The following GLIS3 variants were observed in gnomAD, a reference collection of about 807,000 sequenced individuals.
GLIS3 encodes the protein zinc finger protein GLIS3.
In GLIS3, 53 loss-of-function variants were observed where a neutral mutation model predicts 78.6. The ratio of observed to expected loss-of-function variants is 0.67; its 90% CI spans 0.54 to 0.85. The LOEUF is 0.85. Ranked by LOEUF, GLIS3 falls within the 40% of genes least tolerant of loss-of-function variation. GLIS3 has a pLI of 0.00. For missense variants in GLIS3, 1,703 were observed against 1,231.1 expected (o/e 1.38, Z -5.74); for synonymous variants, 684 against 509.9 (o/e 1.34, Z -4.60).
intron 4 of GLIS3, among the ~76,000 whole-genome samples, chr9:4,068,842 G>C (rs900015966): frequency 2.8e-5 from 4 of 143,206 alleles, no homozygotes; most frequent in Non-Finnish European, 2.9e-5. Flanking sequence ...GCATGTGTGT[G>C]TGTGTGTGTG....
At chr9:4,359,179 T>C in the GLIS3 span, among the ~76,000 whole-genome samples, 4 of 152,170 alleles carry the variant, frequency 2.6e-5, no homozygotes, top group Admixed American at 1.3e-4. Flanking sequence ...TCCCACACCC[T>C]AAACGTTCAG....
intron 2 of GLIS3, among the ~76,000 whole-genome samples, chr9:4,312,503 A>T (rs1269239652): frequency 6.6e-6 from 1 of 152,246 alleles, no homozygotes; most frequent in South Asian, 2.1e-4. Context: ...ACACATAAAC[A>T]GGCACCCATA....
chr9:4,038,486 G>C (rs1438626533), intron 4 of GLIS3, among the ~76,000 whole-genome samples: 4 of 152,190 alleles, frequency 2.6e-5, no homozygotes, highest in Non-Finnish European at 5.9e-5. Context: ...CACTTGTAAA[G>C]AGACTGACGT....
rs145496080 is a variant in GLIS3, at chr9:4,053,806, C to T, written c.1710+63962G>A. Among the ~76,000 whole-genome samples, 14 of 151,504 alleles carry T rather than the reference C, an allele frequency of 9.2e-5. No individual in the cohort carries two copies. In the East Asian group the frequency reaches 2.5e-3, roughly 27 times the overall value. ...GCCACCCAATTAGTGACACCATTGG[C>T]GAACTGTAGACTGCTGAGATTTCCA... On this transcript the variant is annotated intron_variant, in intron 4 of 10. Coordinates refer to ENST00000381971, the MANE Select transcript of GLIS3 (RefSeq NM_001042413.2).
At chr9:4,148,234 G>C (rs1834377484) in intron 2 of GLIS3, among the ~76,000 whole-genome samples, 1 of 152,016 alleles carries the variant, frequency 6.6e-6, no homozygotes. Flanking sequence ...GCTGATTCTA[G>C]ATGAGATCTG....
chr9:3,835,681 G>A (rs910472001), intron 9 of GLIS3, among the ~76,000 whole-genome samples: 15 of 152,362 alleles, frequency 9.8e-5, no homozygotes, highest in African/African-American at 3.6e-4. Context: ...AAAGACTAAA[G>A]AGGATTAACA....
chr9:4,014,279 G>C (rs1822265373), intron 4 of GLIS3, among the ~76,000 whole-genome samples: 1 of 152,146 alleles, frequency 6.6e-6, no homozygotes. Flanking sequence ...AAACTGAGAA[G>C]TGGCCTTAGA....
the GLIS3 span, among the ~76,000 whole-genome samples, chr9:4,400,597 T>G: frequency 6.6e-6 from 1 of 152,264 alleles, no homozygotes; most frequent in Non-Finnish European, 1.5e-5. Context: ...TCTTCGGTCT[T>G]GATCTTCATT....
chr9:3,984,848 G>T (rs566076717), intron 4 of GLIS3, among the ~76,000 whole-genome samples: 1 of 152,102 alleles, frequency 6.6e-6, no homozygotes, highest in South Asian at 2.1e-4. Flanking sequence ...CACTGTTCTC[G>T]TAATAGTGAA....
At chr9:4,429,509 C>T in the GLIS3 span, among the ~76,000 whole-genome samples, 2 of 152,206 alleles carry the variant, frequency 1.3e-5, no homozygotes, top group African/African-American at 2.4e-5. Flanking sequence ...ATGCTCTCCA[C>T]AAGAGCCTTG....
chr9:3,856,682 T>G (rs1210801529), intron 8 of GLIS3, among the ~76,000 whole-genome samples: 1 of 152,224 alleles, frequency 6.6e-6, no homozygotes, highest in Non-Finnish European at 1.5e-5. Flanking sequence ...AATCCTATTC[T>G]CTTTGAACAA....
the GLIS3 span, among the ~76,000 whole-genome samples, chr9:4,401,957 AG>A: frequency 6.6e-6 from 1 of 152,164 alleles, no homozygotes; most frequent in Admixed American, 6.5e-5. Flanking sequence ...TGTGAGAACC[AG>A]CTTAGCTATA....
rs1283028087 is a variant in GLIS3 at position 3,905,143 on chromosome 9, TTTTTC to T, written c.1984-6313_1984-6309del. 9.4e-4 allele frequency among the ~76,000 whole-genome samples: 127 copies of T among 134,620 alleles called. 2 individuals carry two copies. Among genetic ancestry groups the T allele is most frequent in the Middle Eastern group, 3.7e-3 (1 of 272 alleles). 88.3% of individuals were successfully genotyped at this position (134,620 alleles called of 152,430 possible). On this transcript the variant is annotated intron_variant, in intron 6 of 10. Transcript: ENST00000381971. ...GCCTGCCGCCACGCCCGGTTAAATT[TTTTTC>T]TTTTTTTTTTTTTTGCTATTTTTAG...
At chr9:4,202,156 T>TTC (rs1554618454) in intron 2 of GLIS3, among the ~76,000 whole-genome samples, 1 of 146,126 alleles carries the variant, frequency 6.8e-6, no homozygotes, top group Non-Finnish European at 1.5e-5. Context: ...CTTTTTCTTT[T>TTC]TTTTTTTTTT....
At chr9:4,235,755 T>G (rs531423037) in intron 2 of GLIS3, among the ~76,000 whole-genome samples, 18 of 152,332 alleles carry the variant, frequency 1.2e-4, no homozygotes, top group Admixed American at 1.0e-3. Flanking sequence ...ACCAAGATCA[T>G]TATCATTTAA....
intron 2 of GLIS3, among the ~76,000 whole-genome samples, chr9:4,152,370 C>A (rs1016755677): frequency 6.6e-6 from 1 of 152,128 alleles, no homozygotes; most frequent in South Asian, 2.1e-4. Context: ...TCTATAACAT[C>A]TCAAAGGCTT....
chr9:4,324,966 A>G (rs987685196), intron 2 of GLIS3, among the ~76,000 whole-genome samples: 6 of 152,228 alleles, frequency 3.9e-5, no homozygotes, highest in African/African-American at 1.4e-4. Flanking sequence ...GTGCTAGGTA[A>G]TATGTCAAAT....
intron 2 of GLIS3, among the ~76,000 whole-genome samples, chr9:4,216,098 AC>A (rs1264342752): frequency 6.6e-6 from 1 of 152,114 alleles, no homozygotes; most frequent in Non-Finnish European, 1.5e-5. Context: ...TAAAAAAAAA[AC>A]TTTGACTTTT....
intron 2 of GLIS3, among the ~76,000 whole-genome samples, chr9:4,140,140 A>G (rs1405138696): frequency 2.0e-5 from 3 of 152,210 alleles, no homozygotes; most frequent in Non-Finnish European, 4.4e-5. Flanking sequence ...CCTGGACAAC[A>G]TGGCGAAACG....
Sources: gnomAD v4.1 joint callset for allele counts (sites outside exome capture counted in the v4.1 genomes callset) on GRCh38, gnomAD v4.1.1 for gene constraint, MANE v1.5 for transcripts, NCBI Gene and HGNC (gene_info 2026-07-23, HGNC 2026-07-21) for gene names.